The following ZC3H13 variants were observed in gnomAD, a reference collection of about 807,000 sequenced individuals.
ZC3H13 encodes zinc finger CCCH domain-containing protein 13.
ZC3H13 carries 64 observed loss-of-function variants against 204.1 expected under a neutral mutation model. The observed-to-expected ratio is 0.31, with a 90% confidence interval of 0.26 to 0.39. The LOEUF is 0.39. Among genes scored for constraint, ZC3H13 ranks in the 10% least tolerant of loss-of-function variants. The probability of loss-of-function intolerance (pLI) is 1.00; values close to 1 mark genes in which losing one functional copy is unlikely to be tolerated. For synonymous variants in ZC3H13, 667 were observed against 693.7 expected (o/e 0.96, Z 0.60); for missense variants, 1,833 against 2,082.7 (o/e 0.88, Z 2.33).
Position 45,996,727 on chromosome 13 carries a change from T to C in ZC3H13, c.944+6412A>G, listed in dbSNP as rs183753359. On this transcript the variant is annotated intron_variant, in intron 8 of 18. Coordinates refer to ENST00000679008, the MANE Select transcript of ZC3H13 (RefSeq NM_001330564.2). ...TGACCCAAAGTGCAAAGAAGAGTGA[T>C]GCTGGCAATTTGAATATGTACAAAA... is the stretch of plus-strand genomic sequence containing the variant. 2.0e-5 allele frequency among the ~76,000 whole-genome samples: 3 copies of C among 148,532 alleles called. No homozygotes were observed. In the East Asian group the frequency reaches 5.9e-4, roughly 29 times the overall value.
At chr13:46,010,308 A>G (rs781238435) in intron 7 of ZC3H13, 40 bp downstream of exon 7, 1 of 1,499,450 alleles carries the variant, frequency 6.7e-7, no homozygotes, top group Non-Finnish European at 9.0e-7. Flanking sequence ...ATCACTTCAG[A>G]AAAAGCTATT....
rs1951530124 is a variant in ZC3H13, at chr13:45,959,611, G to C, written c.4711C>G (p.Leu1571Val). ...DNLFEHELGA[L>V]NMAALLRKEE... ...TTTCGTAGTAATGCAGCCATATTGA[G>C]AGCCCCCAATTCATGTTCAAAGAGA... The change falls in exon 18 of 19, where the codon CTC becomes GTC. Residue 1571 changes from leucine to valine, a missense_variant. Leu to Val is a conservative substitution (Grantham distance 32, BLOSUM62 1). Around this residue, in one of 5 missense-constraint regions of ZC3H13, gnomAD observed 211 missense variants for 228.4 expected, o/e 0.92. Coordinates refer to ENST00000679008, the MANE Select transcript of ZC3H13 (RefSeq NM_001330564.2). 6.5e-7 allele frequency: 1 copy of C among 1,542,892 alleles called. No individual in the cohort carries two copies. Among genetic ancestry groups the C allele is most frequent in the Non-Finnish European group, 8.7e-7 (1 of 1,143,812 alleles).
intron 12 of ZC3H13, among the ~76,000 whole-genome samples, chr13:45,971,603 CA>C (rs1229641703): frequency 1.8e-4 from 28 of 152,078 alleles, no homozygotes; most frequent in African/African-American, 5.6e-4. Context: ...CTGGCCTAGG[CA>C]AAGACTTCAT....
At chr13:45,963,787 G>A in intron 17 of ZC3H13, 55 bp downstream of exon 17, 2 of 1,608,048 alleles carry the variant, frequency 1.2e-6, no homozygotes, top group Non-Finnish European at 1.7e-6. Context: ...ATCCCCTTCA[G>A]ATGGCATCTT....
chr13:45,993,884 T>TA (rs954313858), intron 8 of ZC3H13, among the ~76,000 whole-genome samples: 7 of 152,130 alleles, frequency 4.6e-5, no homozygotes, highest in South Asian at 4.1e-4. Flanking sequence ...CAGATTTGAT[T>TA]AAAAAAAACC....
chr13:45,978,289 T>C (rs573733289), intron 11 of ZC3H13, among the ~76,000 whole-genome samples: 2 of 152,232 alleles, frequency 1.3e-5, no homozygotes, highest in South Asian at 4.1e-4. Context: ...GTACCTCAAG[T>C]GCCTAGCAAA....
At chr13:46,046,411 C>A (rs1034968728) in intron 1 of ZC3H13, among the ~76,000 whole-genome samples, 12 of 150,852 alleles carry the variant, frequency 8.0e-5, no homozygotes, top group Non-Finnish European at 1.5e-5. Flanking sequence ...GTAATCCCAG[C>A]ACTTTGGGAG....
At chr13:45,997,244 A>C (rs2040406884) in intron 8 of ZC3H13, among the ~76,000 whole-genome samples, 1 of 152,230 alleles carries the variant, frequency 6.6e-6, no homozygotes, top group Non-Finnish European at 1.5e-5. Flanking sequence ...TAACCACATG[A>C]TAGAATTTCG....
intron 4 of ZC3H13, among the ~76,000 whole-genome samples, chr13:46,031,386 A>G (rs1014002656): frequency 3.9e-5 from 6 of 152,112 alleles, no homozygotes; most frequent in Non-Finnish European, 8.8e-5. Context: ...GGGTATGGCA[A>G]TGACATCTTA....
intron 4 of ZC3H13, among the ~76,000 whole-genome samples, chr13:46,032,748 T>C (rs1466032727): frequency 6.6e-6 from 1 of 152,082 alleles, no homozygotes; most frequent in East Asian, 1.9e-4. Context: ...ACCTAAAATC[T>C]CCACTAATAG....
At chr13:45,961,869 C>T (rs1292893935) in intron 17 of ZC3H13, among the ~76,000 whole-genome samples, 2 of 151,392 alleles carry the variant, frequency 1.3e-5, no homozygotes, top group Admixed American at 6.6e-5. Flanking sequence ...CACTAAGTAC[C>T]CATGAAAATT....
chr13:46,011,372 C>A, intron 6 of ZC3H13, 43 bp downstream of exon 6: 1 of 1,537,292 alleles, frequency 6.5e-7, no homozygotes, highest in Non-Finnish European at 8.8e-7. Flanking sequence ...AATACAAATG[C>A]TGCTATTAAG....
intron 4 of ZC3H13, among the ~76,000 whole-genome samples, chr13:46,039,713 A>G (rs2043444849): frequency 6.6e-6 from 1 of 152,228 alleles, no homozygotes; most frequent in Non-Finnish European, 1.5e-5. Flanking sequence ...ATTAAAAACA[A>G]AGATAATAAG....
intron 7 of ZC3H13, among the ~76,000 whole-genome samples, chr13:46,004,305 AGGG>A (rs2040966719): frequency 9.5e-5 from 1 of 10,564 alleles, no homozygotes; most frequent in Non-Finnish European, 1.5e-4. Flanking sequence ...GAGGCAGAGG[AGGG>A]AGGGGTGGAT....
At chr13:45,991,736 A>G (rs1012512363) in intron 8 of ZC3H13, among the ~76,000 whole-genome samples, 5 of 152,182 alleles carry the variant, frequency 3.3e-5, no homozygotes, top group African/African-American at 9.6e-5. Flanking sequence ...AAACCTGTAT[A>G]ATGTAATCAA....
chr13:45,985,388 T>C lies in ZC3H13; in HGVS notation c.1629A>G (p.Ile543Met). Residue 543 changes from isoleucine to methionine, a missense_variant, in exon 10 of 19, where the codon ATA becomes ATG. Around this residue, in one of 5 missense-constraint regions of ZC3H13, gnomAD observed 1,574 missense variants for 1,757.2 expected, o/e 0.90. Transcript: ENST00000679008. ...HLREESSRTE[I>M]RNESRNESRS... ...GAGACTCATTTCTGGACTCATTCCT[T>C]ATTTCCGTACGAGAACTTTCTTCTC... is the stretch of plus-strand genomic sequence containing the variant. 2 of 1,614,218 alleles carry C rather than the reference T, an allele frequency of 1.2e-6. No homozygotes were observed. The highest frequency in any genetic ancestry group is 1.7e-6 in the Non-Finnish European group (2 of 1,180,030).
chr13:46,045,362 C>T, intron 2 of ZC3H13, 29 bp downstream of exon 2: 1 of 1,537,830 alleles, frequency 6.5e-7, no homozygotes, highest in African/African-American at 1.4e-5. Context: ...TCTAAGAGAA[C>T]CCCTGTGACT....
At chr13:46,013,829 T>C (rs1488886265) in intron 5 of ZC3H13, among the ~76,000 whole-genome samples, 2 of 152,172 alleles carry the variant, frequency 1.3e-5, no homozygotes, top group East Asian at 3.8e-4. Flanking sequence ...TTTTTAAGAA[T>C]ATACAACAGA....
At chr13:46,004,734 T>C (rs188179612) in intron 7 of ZC3H13, among the ~76,000 whole-genome samples, 3 of 152,150 alleles carry the variant, frequency 2.0e-5, no homozygotes, top group African/African-American at 4.8e-5. Flanking sequence ...TCAGTATATA[T>C]TCATCATAAA....
Sources: allele counts gnomAD v4.1 joint callset (sites outside exome capture counted in the v4.1 genomes callset), GRCh38; gene constraint gnomAD v4.1.1; regional missense constraint gnomAD v4.1.1; transcripts MANE v1.5; gene names NCBI Gene and HGNC (gene_info 2026-07-23, HGNC 2026-07-21).